The following PHLDA1 variants were observed in gnomAD, a reference collection of about 807,000 sequenced individuals.
The protein encoded by PHLDA1 is pleckstrin homology like domain family A member 1.
In PHLDA1, 28 loss-of-function variants were observed where a neutral mutation model predicts 33.8. That is an observed-to-expected ratio of 0.83 (90% CI 0.61 to 1.14). PHLDA1 has a LOEUF of 1.14. Ranked by LOEUF, PHLDA1 falls within the 50% of genes most tolerant of loss-of-function variation. PHLDA1 has a pLI of 0.00. For missense variants in PHLDA1, 595 were observed against 548.6 expected (o/e 1.08, Z -0.84); for synonymous variants, 271 against 243.6 (o/e 1.11, Z -1.05).
At chr12:76,027,777 A>AGG (rs377118116) in exon 2 of PHLDA1, 1 of 146,810 alleles carries the variant, frequency 6.8e-6, no homozygotes, top group African/African-American at 2.5e-5. Context: ...AAAAAAAAAA[A>AGG]AAAGAAACCA....
chr12:76,031,101 T>C lies in PHLDA1; in HGVS notation c.641A>G (p.Gln214Arg). 6.2e-7 allele frequency: 1 copy of C among 1,610,008 alleles called. No homozygotes were observed. Among genetic ancestry groups the C allele is most frequent in the Non-Finnish European group, 8.5e-7 (1 of 1,179,906 alleles). ...GCTGGCGACAGCGGGGCCACTGGGT[T>C]GGGACGGCTCGGCCGGCCCCTGCCC... Residue 214 changes from glutamine to arginine, a missense_variant, in exon 1 of 2, where the codon CAA becomes CGA. Physicochemically the swap from Gln to Arg is conservative, Grantham distance 43. This residue lies in a region of PHLDA1 where 328 missense variants were observed against 295.7 expected (regional missense o/e 1.11). Coordinates refer to ENST00000266671, the Ensembl canonical transcript of PHLDA1. The surrounding 1 kb of genome is among the most constrained non-coding windows in gnomAD (Gnocchi z 5.4).
Position 76,030,517 on chromosome 12 carries a change from T to G in PHLDA1, c.*19A>C, listed in dbSNP as rs776432580. On this transcript the variant is annotated 3_prime_UTR_variant, in exon 1 of 2. Transcript: ENST00000266671. Reference sequence around the variant, plus strand: ...CGAGTGCCGGGACCTTACCTTGTCTTGCCCGGGAGCTGCCCCTTTCAGGCA... The same window carrying G: ...CGAGTGCCGGGACCTTACCTTGTCTGGCCCGGGAGCTGCCCCTTTCAGGCA... The G allele has an allele frequency of 1.9e-6, 3 of 1,610,078 alleles. No individual in the cohort carries two copies. In the South Asian group the frequency reaches 3.3e-5, roughly 18 times the overall value.
intron 1 of PHLDA1, among the ~76,000 whole-genome samples, 186 bp from the exon 2 acceptor site, chr12:76,030,278 G>A (rs1358268441): frequency 1.3e-5 from 2 of 150,556 alleles, no homozygotes; most frequent in Non-Finnish European, 2.9e-5. Context: ...TGATGGGCGC[G>A]GGCGCGGGCG....
Position 76,031,764 on chromosome 12 carries a change from C to G in PHLDA1, c.-23G>C, listed in dbSNP as rs1870920884. On this transcript the variant is annotated 5_prime_UTR_variant, in exon 1 of 2. Coordinates refer to ENST00000266671, the Ensembl canonical transcript of PHLDA1. The surrounding 1 kb of genome is among the most constrained non-coding windows in gnomAD (Gnocchi z 5.4). ...CATTAACTTGGGGCCTTTCCAAAGC[C>G]CGCTGCGTCCACGCCCTCCAGCGTC... 2 of 1,344,698 alleles carry G rather than the reference C, an allele frequency of 1.5e-6. No homozygotes were observed. The highest frequency in any genetic ancestry group is 6.1e-5 in the East Asian group (2 of 32,700). The allele number at this position is 1,344,698 out of a possible 1,614,324, so 83.3% of individuals were successfully genotyped here. A position where few individuals can be genotyped will look rare whatever the true frequency, so the allele number is the denominator to read the frequency against.
exon 2 of PHLDA1, chr12:76,029,360 C>G (rs1870843263): frequency 6.6e-6 from 1 of 152,166 alleles, no homozygotes; most frequent in South Asian, 2.1e-4. Flanking sequence ...GTGGCCCTAC[C>G]ACATATTCAA....
At position 76,031,399 on chromosome 12, in the gene PHLDA1, T is replaced by C; in HGVS notation, c.343A>G (p.Arg115Gly). ...CGGGCCGGGGGCAGCAGCAGCAGCC[T>C]CGCGCCGTCCTCGCCCCAGCGGCTC... Residue 115 changes from arginine to glycine, a missense_variant, in exon 1 of 2, where the codon AGG becomes GGG. Physicochemically the swap from Arg to Gly is moderately radical, Grantham distance 125. This residue lies in a region of PHLDA1 where 263 missense variants were observed against 232.3 expected (regional missense o/e 1.13). Coordinates refer to ENST00000266671, the Ensembl canonical transcript of PHLDA1. This position sits in a 1 kb window ranked among gnomAD's most constrained non-coding sequence, Gnocchi z 5.4. The C allele has an allele frequency of 6.3e-7, 1 of 1,591,410 alleles. No individual in the cohort carries two copies. Among genetic ancestry groups the C allele is most frequent in the Non-Finnish European group, 8.5e-7 (1 of 1,170,282 alleles).
exon 2 of PHLDA1, chr12:76,028,788 T>G (rs1244926414): frequency 2.6e-5 from 4 of 152,632 alleles, no homozygotes; most frequent in African/African-American, 9.7e-5. Context: ...CAGAAGAAGG[T>G]TTGTTCTACC....
exon 1 of PHLDA1, chr12:76,030,681 G>C: frequency 8.4e-7 from 1 of 1,193,080 alleles, no homozygotes. Context: ...ATGTGGATGT[G>C]GATGCGGATA....
exon 2 of PHLDA1, chr12:76,028,585 T>A (rs1050950316): frequency 6.6e-6 from 1 of 152,560 alleles, no homozygotes; most frequent in African/African-American, 2.4e-5. Flanking sequence ...ACTGACCGTT[T>A]CAATTTAAAT....
At chr12:76,030,242 G>A in intron 1 of PHLDA1, 150 bp from the exon 2 acceptor site, 3 of 504,180 alleles carry the variant, frequency 6.0e-6, no homozygotes, top group Non-Finnish European at 1.1e-5. Flanking sequence ...GGGGCTGGGG[G>A]ACGCACCACG....
At chr12:76,025,534 G>C (rs1275451202) in exon 2 of PHLDA1, 1 of 152,164 alleles carries the variant, frequency 6.6e-6, no homozygotes, top group Non-Finnish European at 1.5e-5. Flanking sequence ...AATCATCTAA[G>C]AGACATATTT....
In PHLDA1 at chr12:76,031,636, T is replaced by A; in HGVS notation, c.106A>T (p.Arg36Ter). ...TCGCGGCGCTTTTGAATGGGCCATC[T>A]TCCCCACCCCCGAGTGACACCCAGC... is the stretch of plus-strand genomic sequence containing the variant. The change falls in exon 1 of 2, where the codon AGA becomes TGA. Residue 36 changes from arginine to a stop codon, truncating the protein, a stop_gained. Coordinates refer to ENST00000266671, the Ensembl canonical transcript of PHLDA1. LOFTEE classifies it high-confidence loss of function. This position sits in a 1 kb window ranked among gnomAD's most constrained non-coding sequence, Gnocchi z 5.4. 1 of 1,562,116 alleles carries A rather than the reference T, an allele frequency of 6.4e-7. No homozygotes were observed. The highest frequency in any genetic ancestry group is 8.7e-7 in the Non-Finnish European group (1 of 1,155,918).
At chr12:76,028,207 C>A (rs936654237) in exon 2 of PHLDA1, 1 of 151,924 alleles carries the variant, frequency 6.6e-6, no homozygotes, top group Non-Finnish European at 1.5e-5. Context: ...TATACATATT[C>A]ATATATGTGT....
chr12:76,030,554 G>A, exon 1 of PHLDA1: 1 of 1,613,876 alleles, frequency 6.2e-7, no homozygotes, highest in South Asian at 1.1e-5. Context: ...AGTTGGAGGT[G>A]CTGCGGAGAA....
Position 76,031,384 on chromosome 12 carries a change from G to T in PHLDA1, c.358C>A (p.Pro120Thr), listed in dbSNP as rs759367062. 7 of 1,600,170 alleles carry T rather than the reference G, an allele frequency of 4.4e-6. No individual in the cohort carries two copies. Among genetic ancestry groups the T allele is most frequent in the Non-Finnish European group, 6.0e-6 (7 of 1,174,550 alleles). ...CCGTTTCCAGCCGCGCGGGCCGGGG[G>T]CAGCAGCAGCAGCCTCGCGCCGTCC... The change falls in exon 1 of 2, where the codon CCC becomes ACC. Residue 120 changes from proline to threonine, a missense_variant. Physicochemically the swap from Pro to Thr is conservative, Grantham distance 38 (BLOSUM62 -1). Transcript: ENST00000266671. This position sits in a 1 kb window ranked among gnomAD's most constrained non-coding sequence, Gnocchi z 5.4.
Position 76,031,752 on chromosome 12 carries a change from C to T in PHLDA1, c.-11G>A. On this transcript the variant is annotated 5_prime_UTR_variant, in exon 1 of 2. Coordinates refer to ENST00000266671, the Ensembl canonical transcript of PHLDA1. The surrounding 1 kb of genome is among the most constrained non-coding windows in gnomAD (Gnocchi z 5.4). ...CGGCGCACGCCTCATTAACTTGGGG[C>T]CTTTCCAAAGCCCGCTGCGTCCACG... 7.4e-7 allele frequency: 1 copy of T among 1,360,400 alleles called. No homozygotes were observed. Among genetic ancestry groups the T allele is most frequent in the Non-Finnish European group, 9.5e-7 (1 of 1,053,002 alleles). The allele number at this position is 1,360,400 out of a possible 1,614,324, so 84.3% of individuals were successfully genotyped here. A position where few individuals can be genotyped will look rare whatever the true frequency, so the allele number is the denominator to read the frequency against.
exon 1 of PHLDA1, chr12:76,030,841 G>A (rs1057052907): frequency 5.0e-6 from 8 of 1,592,124 alleles, no homozygotes; most frequent in African/African-American, 1.3e-5. Flanking sequence ...TGGACCAGGT[G>A]CTGCTGCTTC....
rs777345599 is a variant in PHLDA1 at position 76,031,130 on chromosome 12, CTGT to C, written c.609_611del (p.Gln204del). ...ACGGCTCGGCCGGCCCCTGCCCGGG[CTGT>C]TGTTGCTGCTGCTGCTGCTGCTGTT... On this transcript the variant is annotated inframe_deletion, in exon 1 of 2. Coordinates refer to ENST00000266671, the Ensembl canonical transcript of PHLDA1. This position sits in a 1 kb window ranked among gnomAD's most constrained non-coding sequence, Gnocchi z 5.4. 15 of 1,576,370 alleles carry C rather than the reference CTGT, an allele frequency of 9.5e-6. No homozygotes were observed. The Middle Eastern group carries it at 8.3e-4, about 87-fold the overall frequency.
rs763558592 is a variant in PHLDA1, at chr12:76,031,406, G to T, written c.336C>A (p.Asp112Glu). The change falls in exon 1 of 2, where the codon GAC (aspartate) becomes GAA (glutamate). Residue 112 changes from aspartate to glutamate, a missense_variant. By Grantham distance (45) the Asp-to-Glu change is conservative. Coordinates refer to ENST00000266671, the Ensembl canonical transcript of PHLDA1. This position sits in a 1 kb window ranked among gnomAD's most constrained non-coding sequence, Gnocchi z 5.4. ...GGGGCAGCAGCAGCAGCCTCGCGCC[G>T]TCCTCGCCCCAGCGGCTCCCACGGC... 4.4e-6 allele frequency: 7 copies of T among 1,582,994 alleles called. No homozygotes were observed. Among genetic ancestry groups the T allele is most frequent in the Admixed American group, 1.8e-5 (1 of 56,172 alleles).
Sources: allele counts gnomAD v4.1 joint callset (sites outside exome capture counted in the v4.1 genomes callset), GRCh38; gene constraint gnomAD v4.1.1; regional missense constraint gnomAD v4.1.1; non-coding constraint Gnocchi (gnomAD v3.1); transcripts MANE v1.5; gene names NCBI Gene and HGNC (gene_info 2026-07-23, HGNC 2026-07-21).